The following SLC9A7 variants were observed in gnomAD, a reference collection of about 807,000 sequenced individuals.
SLC9A7 encodes the protein solute carrier family 9 member A7, also known as sodium/hydrogen exchanger 7.
In SLC9A7, 19 loss-of-function variants were observed where a neutral mutation model predicts 52.6. That is an observed-to-expected ratio of 0.36 (90% CI 0.25 to 0.53). The LOEUF is 0.53. SLC9A7 is among the 20% of genes least tolerant of loss of function. The pLI is 0.91. For synonymous variants in SLC9A7, 226 were observed against 252.1 expected, an observed-to-expected ratio of 0.90 and a Z score of 0.98; for missense variants, 455 against 597.9, an observed-to-expected ratio of 0.76 and a Z score of 2.49.
intron 14 of SLC9A7, among the ~76,000 whole-genome samples, chrX:46,626,125 G>A (rs1410373673): frequency 2.7e-5 from 3 of 111,649 alleles, no homozygotes; most frequent in African/African-American, 6.5e-5. Flanking sequence ...CCAACATGGT[G>A]AAACTCTGTC....
chrX:46,721,668 C>CAAAAGACCCTCCCT (rs1200045459), intron 1 of SLC9A7, among the ~76,000 whole-genome samples: 1 of 111,534 alleles, frequency 9.0e-6, no homozygotes, highest in Non-Finnish European at 1.9e-5. Flanking sequence ...CCAGGGTTGA[C>CAAAAGACCCTCCCT]AAAAGACCCT....
At chrX:46,701,943 C>T (rs1944538242) in intron 1 of SLC9A7, among the ~76,000 whole-genome samples, 1 of 111,775 alleles carries the variant, frequency 8.9e-6, no homozygotes, top group Non-Finnish European at 1.9e-5. Context: ...CCCTTCCCAC[C>T]CAAGTCCTTC....
At chrX:46,745,773 A>G (rs1407102969) in intron 1 of SLC9A7, among the ~76,000 whole-genome samples, 2 of 108,839 alleles carry the variant, frequency 1.8e-5, no homozygotes, top group Non-Finnish European at 3.8e-5. Context: ...TGAGCCCAGG[A>G]GTTCAAGGTT....
At chrX:46,698,312 G>A (rs749289479) in intron 1 of SLC9A7, among the ~76,000 whole-genome samples, 2 of 111,294 alleles carry the variant, frequency 1.8e-5, no homozygotes, top group East Asian at 5.6e-4. Context: ...CTACCGACAC[G>A]TGATGTCTCC....
intron 1 of SLC9A7, among the ~76,000 whole-genome samples, chrX:46,734,236 AACAC>A (rs10539010): frequency 1.0e-4 from 11 of 106,927 alleles, no homozygotes; most frequent in African/African-American, 1.4e-4. Flanking sequence ...TGTAGATTAA[AACAC>A]ACACACACAC....
At chrX:46,634,420 T>C (rs2146734391) in intron 13 of SLC9A7, among the ~76,000 whole-genome samples, 1 of 110,973 alleles carries the variant, frequency 9.0e-6, no homozygotes, top group Non-Finnish European at 1.9e-5. Context: ...TCTCGGAAAG[T>C]TTAGAAGTAT....
intron 14 of SLC9A7, among the ~76,000 whole-genome samples, chrX:46,629,720 G>A (rs1407502446): frequency 9.0e-6 from 1 of 111,572 alleles, no homozygotes; most frequent in Non-Finnish European, 1.9e-5. Flanking sequence ...TTCTGTGGAG[G>A]ATGCTTTAGA....
chrX:46,603,339 C>G lies in SLC9A7; in HGVS notation c.*3613G>C. The G allele has an allele frequency of 8.9e-6, 1 of 112,189 alleles. No individual in the cohort carries two copies. Among genetic ancestry groups the G allele is most frequent in the Non-Finnish European group, 1.9e-5 (1 of 53,257 alleles). The allele number at this position is 112,189 out of a possible 1,213,427, so 9.2% of individuals were successfully genotyped here. A position where few individuals can be genotyped will look rare whatever the true frequency, so the allele number is the denominator to read the frequency against. On this transcript the variant is annotated 3_prime_UTR_variant, in exon 17 of 17. Coordinates refer to ENST00000616978, the MANE Select transcript of SLC9A7 (RefSeq NM_001257291.2). ...CAGGAAAACCCTGATGGGAAGCCCA[C>G]CCCTCTAGTTTTGGTCTTGGCAATC...
At chrX:46,628,031 C>T (rs1226120648) in intron 14 of SLC9A7, among the ~76,000 whole-genome samples, 1 of 112,759 alleles carries the variant, frequency 8.9e-6, no homozygotes, top group African/African-American at 3.2e-5. Context: ...CACGCACACA[C>T]GTGTGCATAT....
chrX:46,682,190 G>C, intron 2 of SLC9A7, 146 bp downstream of exon 2: 1 of 558,777 alleles, frequency 1.8e-6, no homozygotes, highest in Non-Finnish European at 2.8e-6. Flanking sequence ...CCTCATCATG[G>C]ACCAAAAAGC....
intron 1 of SLC9A7, among the ~76,000 whole-genome samples, chrX:46,723,312 A>T (rs1331216154): frequency 9.2e-6 from 1 of 108,332 alleles, no homozygotes; most frequent in African/African-American, 3.3e-5. Context: ...AAAAAAAAAA[A>T]AAAAAGAAAG....
intron 1 of SLC9A7, among the ~76,000 whole-genome samples, chrX:46,756,448 CAA>C (rs1383960003): frequency 1.8e-5 from 2 of 111,952 alleles, no homozygotes; most frequent in African/African-American, 6.5e-5. Context: ...TAAATGCAGA[CAA>C]TTTTTTAAAA....
At chrX:46,607,446 G>C (rs771264932) in intron 16 of SLC9A7, among the ~76,000 whole-genome samples, 2 of 111,503 alleles carry the variant, frequency 1.8e-5, no homozygotes, top group Non-Finnish European at 3.8e-5. Context: ...CTTGGGGTTA[G>C]TGAAAAAGGG....
chrX:46,696,040 C>G (rs1944445053), intron 1 of SLC9A7, among the ~76,000 whole-genome samples: 1 of 110,436 alleles, frequency 9.1e-6, no homozygotes, highest in Non-Finnish European at 1.9e-5. Context: ...AGCTGGAGTA[C>G]AGTGGCGCAA....
intron 1 of SLC9A7, among the ~76,000 whole-genome samples, chrX:46,741,247 T>C (rs1259161054): frequency 9.0e-6 from 1 of 111,728 alleles, no homozygotes; most frequent in Non-Finnish European, 1.9e-5. Flanking sequence ...CCAATCAAAG[T>C]ACCAGCAAGA....
At chrX:46,633,545 C>T (rs1486848915) in intron 13 of SLC9A7, among the ~76,000 whole-genome samples, 1 of 109,378 alleles carries the variant, frequency 9.1e-6, no homozygotes, top group African/African-American at 3.3e-5. Context: ...TACAAAGAGC[C>T]CCACCCTTGG....
At chrX:46,624,425 T>A (rs943427177) in intron 14 of SLC9A7, among the ~76,000 whole-genome samples, 27 of 112,341 alleles carry the variant, frequency 2.4e-4, no homozygotes, top group African/African-American at 8.4e-4. Flanking sequence ...CTGGCTGGTA[T>A]ACAAAAAGAC....
At chrX:46,640,183 A>G (rs1943385123) in intron 12 of SLC9A7, among the ~76,000 whole-genome samples, 1 of 112,410 alleles carries the variant, frequency 8.9e-6, no homozygotes, top group Non-Finnish European at 1.9e-5. Flanking sequence ...GCGTAAGTAT[A>G]GTCATCAAGA....
At chrX:46,729,056 C>T in intron 1 of SLC9A7, among the ~76,000 whole-genome samples, 1 of 111,803 alleles carries the variant, frequency 8.9e-6, no homozygotes, top group East Asian at 2.8e-4. Context: ...GGTGGTTACA[C>T]AAGTGTACGC....
Sources: allele counts gnomAD v4.1 joint callset (sites outside exome capture counted in the v4.1 genomes callset), GRCh38; gene constraint gnomAD v4.1.1; transcripts MANE v1.5; gene names NCBI Gene and HGNC (gene_info 2026-07-23, HGNC 2026-07-21).